Variants in ARL3 observed in about 807,000 individuals in gnomAD.
ARL3 encodes the protein ADP-ribosylation factor-like protein 3.
A neutral mutation model predicts 26.0 loss-of-function variants in ARL3; 9 were observed. That is an observed-to-expected ratio of 0.35 (90% confidence interval 0.21 to 0.60). The LOEUF is 0.60. Among genes scored for constraint, ARL3 ranks in the 20% least tolerant of loss-of-function variants. The pLI, the probability that ARL3 is intolerant of heterozygous loss-of-function variation, is 0.78. For synonymous variants in ARL3, 71 were observed against 78.4 expected (o/e 0.91, Z 0.50); for missense variants, 158 against 215.7 (o/e 0.73, Z 1.67).
Position 102,685,940 on chromosome 10 carries a change from T to C in ARL3, c.377A>G (p.Asn126Ser). ...GGCTGCTGTGAGCAAATCCTGCTTA[T>C]TAGCAAAGATGAGCACTGGCACACA... ...LSCVPVLIFA[N>S]KQDLLTAAPA... is the part of the protein sequence containing the mutation. The change falls in exon 5 of 6, where the codon AAT becomes AGT. Residue 126 changes from asparagine (N) to serine (S), a missense_variant. Coordinates refer to ENST00000260746, the MANE Select transcript of ARL3 (RefSeq NM_004311.4). The C allele has an allele frequency of 6.2e-7, 1 of 1,614,222 alleles. No homozygotes were observed. The highest frequency in any genetic ancestry group is 1.3e-5 in the African/African-American group (1 of 75,042).
intron 5 of ARL3, among the ~76,000 whole-genome samples, chr10:102,678,011 C>A (rs1376041652): frequency 6.6e-6 from 1 of 152,172 alleles, no homozygotes; most frequent in Non-Finnish European, 1.5e-5. Flanking sequence ...ACATTAATCC[C>A]ATAAACAATA....
chr10:102,696,337 C>T (rs1347309123), intron 3 of ARL3, among the ~76,000 whole-genome samples: 1 of 147,086 alleles, frequency 6.8e-6, no homozygotes, highest in Non-Finnish European at 1.5e-5. Context: ...GCAATCTTGG[C>T]TCACTGCAAC....
chr10:102,676,243 G>T lies in ARL3; in HGVS notation c.*651C>A. The T allele has an allele frequency of 6.7e-6, 1 of 149,446 alleles. No homozygotes were observed. Among genetic ancestry groups the T allele is most frequent in the South Asian group, 1.9e-4 (1 of 5,228 alleles). 9.3% of individuals were successfully genotyped at this position (149,446 alleles called of 1,614,324 possible). A position where few individuals can be genotyped will look rare whatever the true frequency, so the allele number is the denominator to read the frequency against. Reference sequence around the variant, plus strand: ...GTGGGATGGGGTATGTTTCTGTAGTGACTTGTCTGCAAGAAAGACTTTTTT... The same window carrying T: ...GTGGGATGGGGTATGTTTCTGTAGTTACTTGTCTGCAAGAAAGACTTTTTT... On this transcript the variant is annotated 3_prime_UTR_variant, in exon 6 of 6. Transcript: ENST00000260746.
At position 102,704,900 on chromosome 10, in the gene ARL3, T is replaced by TGGGATGCAGATGCTGCAGC. The variant is rs1564733387; in HGVS notation, c.147+445_147+446insGCTGCAGCATCTGCATCCC. ...GCCCAGTGGGATGCAGATGCTGCAGTGGGGTGGCCTGATGAAGTGGGTACT... is the reference window on the plus strand; with the variant it reads ...GCCCAGTGGGATGCAGATGCTGCAGTGGGATGCAGATGCTGCAGCGGGGTGGCCTGATGAAGTGGGTACT... On this transcript the variant is annotated intron_variant, in intron 2 of 5. Transcript: ENST00000260746. Among the ~76,000 whole-genome samples the TGGGATGCAGATGCTGCAGC allele has an allele frequency of 2.2e-3, 331 of 152,188 alleles. 7 individuals are homozygous for TGGGATGCAGATGCTGCAGC. The East Asian group carries it at 0.048, about 22-fold the overall frequency.
chr10:102,703,022 TCC>T (rs2064288440), intron 2 of ARL3, among the ~76,000 whole-genome samples: 2 of 151,848 alleles, frequency 1.3e-5, no homozygotes, highest in African/African-American at 2.4e-5. Flanking sequence ...CAACAAGCTC[TCC>T]CTGTTGGCTT....
intron 5 of ARL3, among the ~76,000 whole-genome samples, chr10:102,678,260 C>T (rs191052289): frequency 6.4e-4 from 98 of 152,188 alleles, no homozygotes; most frequent in Non-Finnish European, 1.1e-3. Flanking sequence ...AGAGGAATGC[C>T]GAGGTGGGAG....
intron 4 of ARL3, among the ~76,000 whole-genome samples, chr10:102,688,466 C>T (rs2064199015): frequency 6.6e-6 from 1 of 151,630 alleles, no homozygotes; most frequent in Non-Finnish European, 1.5e-5. Context: ...AGGACACAGG[C>T]CAAGGACTCT....
intron 1 of ARL3, among the ~76,000 whole-genome samples, chr10:102,705,848 G>C (rs1359319615): frequency 6.6e-6 from 1 of 152,018 alleles, no homozygotes; most frequent in African/African-American, 2.4e-5. Context: ...ACTGATGTTT[G>C]TATTTTTCTC....
At chr10:102,702,591 T>G (rs2064285922) in intron 2 of ARL3, among the ~76,000 whole-genome samples, 1 of 152,168 alleles carries the variant, frequency 6.6e-6, no homozygotes. Context: ...AGTGTGGAAG[T>G]CTTCACGTTA....
chr10:102,678,858 G>A (rs1180589908), intron 5 of ARL3, among the ~76,000 whole-genome samples: 2 of 152,244 alleles, frequency 1.3e-5, no homozygotes, highest in African/African-American at 4.8e-5. Context: ...GAGCCCTGCT[G>A]AGGGACAGTG....
At chr10:102,695,577 G>C (rs1368254987) in intron 3 of ARL3, among the ~76,000 whole-genome samples, 2 of 151,928 alleles carry the variant, frequency 1.3e-5, no homozygotes, top group Admixed American at 1.3e-4. Context: ...TTGTTGCCCT[G>C]GCTGGAATGC....
At chr10:102,681,666 G>T (rs1438848618) in intron 5 of ARL3, among the ~76,000 whole-genome samples, 1 of 152,202 alleles carries the variant, frequency 6.6e-6, no homozygotes, top group African/African-American at 2.4e-5. Context: ...TGAGCATGAG[G>T]GGGTGGCCTG....
intron 3 of ARL3, among the ~76,000 whole-genome samples, chr10:102,690,769 G>C (rs1346989912): frequency 6.6e-6 from 1 of 151,928 alleles, no homozygotes; most frequent in Non-Finnish European, 1.5e-5. Flanking sequence ...CACACTTCAA[G>C]TTTTATTTCT....
chr10:102,689,678 A>G (rs2064206451), intron 4 of ARL3, among the ~76,000 whole-genome samples: 2 of 151,754 alleles, frequency 1.3e-5, no homozygotes, highest in Admixed American at 1.3e-4. Context: ...CTAAAAATAC[A>G]AAATTAGCCA....
intron 5 of ARL3, 34 bp from the exon 6 acceptor site, chr10:102,676,975 A>C (rs766534021): frequency 1.2e-6 from 2 of 1,610,802 alleles, no homozygotes; most frequent in South Asian, 2.2e-5. Flanking sequence ...AGGCAGTGTT[A>C]GTTATAAGAA....
intron 1 of ARL3, among the ~76,000 whole-genome samples, chr10:102,706,311 C>T (rs1472187352): frequency 1.3e-5 from 2 of 151,878 alleles, no homozygotes; most frequent in Non-Finnish European, 2.9e-5. Flanking sequence ...ATTAGTCGGG[C>T]GTGGTGGCAG....
At chr10:102,711,979 G>C (rs1450672688) in intron 1 of ARL3, among the ~76,000 whole-genome samples, 5 of 152,228 alleles carry the variant, frequency 3.3e-5, no homozygotes, top group Admixed American at 3.3e-4. Flanking sequence ...TGTTGAACAT[G>C]CTTGAGAACG....
intron 3 of ARL3, among the ~76,000 whole-genome samples, chr10:102,690,522 G>C (rs967197730): frequency 6.6e-6 from 1 of 151,992 alleles, no homozygotes; most frequent in Non-Finnish European, 1.5e-5. Context: ...CTGACCTCAA[G>C]TGATCCACCT....
At chr10:102,705,211 T>C (rs1161026993) in intron 2 of ARL3, 135 bp downstream of exon 2, 1 of 1,052,606 alleles carries the variant, frequency 9.5e-7, no homozygotes, top group Non-Finnish European at 1.3e-6. Flanking sequence ...GAAATCTGGT[T>C]ATCTTTAGAT....
Sources: gnomAD v4.1 joint callset for allele counts (sites outside exome capture counted in the v4.1 genomes callset) on GRCh38, gnomAD v4.1.1 for gene constraint, MANE v1.5 for transcripts, NCBI Gene and HGNC (gene_info 2026-07-23, HGNC 2026-07-21) for gene names.